Variants in MACROD1 observed in about 807,000 individuals in gnomAD.
The protein encoded by MACROD1 is mono-ADP ribosylhydrolase 1, also known as ADP-ribose glycohydrolase MACROD1.
In MACROD1, 31 loss-of-function variants were observed where a neutral mutation model predicts 41.4. The ratio of observed to expected loss-of-function variants is 0.75; its 90% CI spans 0.56 to 1.01. The LOEUF (loss-of-function observed/expected upper bound fraction) is 1.01, where lower values mean the gene tolerates loss of function less well. Among genes scored for constraint, MACROD1 ranks in the 50% least tolerant of loss-of-function variants. The pLI, the probability that MACROD1 is intolerant of heterozygous loss-of-function variation, is 0.00. For synonymous variants in MACROD1, 252 were observed against 203.4 expected, an observed-to-expected ratio of 1.24 and a Z score of -2.03; for missense variants, 473 against 460.0, an observed-to-expected ratio of 1.03 and a Z score of -0.26.
chr11:64,109,057 C>T (rs1944814481), intron 3 of MACROD1, among the ~76,000 whole-genome samples: 1 of 152,168 alleles, frequency 6.6e-6, no homozygotes, highest in Admixed American at 6.5e-5. Flanking sequence ...ATGCAGGACA[C>T]TTCCTCTCCC....
At position 64,124,425 on chromosome 11, in the gene MACROD1, G is replaced by A. The variant is rs537371988; in HGVS notation, c.517+26814C>T. ...GGCACTTTTCACTCTGTGGTTTTAA[G>A]CATTTACTGTTTCTTTTGAAATGTT... is the stretch of plus-strand genomic sequence containing the variant. On this transcript the variant is annotated intron_variant, in intron 3 of 10. Transcript: ENST00000255681. 3.9e-5 allele frequency among the ~76,000 whole-genome samples: 6 copies of A among 152,334 alleles called. No individual in the cohort carries two copies. In the South Asian group the frequency reaches 1.2e-3, roughly 32 times the overall value.
At chr11:64,143,136 G>C (rs1480826169) in intron 3 of MACROD1, among the ~76,000 whole-genome samples, 1 of 132,718 alleles carries the variant, frequency 7.5e-6, no homozygotes, top group Non-Finnish European at 1.6e-5. Context: ...GGGAGGGTGG[G>C]AGGGAGGGAG....
At chr11:64,051,617 G>A (rs528528166) in intron 3 of MACROD1, among the ~76,000 whole-genome samples, 72 of 152,306 alleles carry the variant, frequency 4.7e-4, no homozygotes, top group Admixed American at 1.3e-3. Flanking sequence ...CCATTCCTGC[G>A]TGGAGCGGGC....
chr11:64,104,595 C>G (rs1458717093), intron 3 of MACROD1, among the ~76,000 whole-genome samples: 3 of 152,106 alleles, frequency 2.0e-5, no homozygotes, highest in African/African-American at 7.2e-5. Flanking sequence ...GCTACTTGCC[C>G]TGGCGCCTGC....
At chr11:64,099,249 C>A (rs1042414110) in intron 3 of MACROD1, among the ~76,000 whole-genome samples, 1 of 152,222 alleles carries the variant, frequency 6.6e-6, no homozygotes, top group Admixed American at 6.5e-5. Flanking sequence ...CTGGGCAAGG[C>A]GGGGCTCTTG....
chr11:64,077,028 A>G (rs1490260956), intron 3 of MACROD1, among the ~76,000 whole-genome samples: 2 of 149,466 alleles, frequency 1.3e-5, no homozygotes, highest in South Asian at 2.2e-4. Flanking sequence ...TGTGGGGAGT[A>G]GATGGGAGGG....
chr11:64,044,772 C>A (rs1943553682), intron 3 of MACROD1, among the ~76,000 whole-genome samples: 2 of 152,158 alleles, frequency 1.3e-5, no homozygotes, highest in Non-Finnish European at 2.9e-5. Flanking sequence ...ATGCTCCCCC[C>A]TCACCAGACC....
intron 1 of MACROD1, among the ~76,000 whole-genome samples, chr11:64,154,161 C>T (rs1362701935): frequency 6.6e-6 from 1 of 152,156 alleles, no homozygotes; most frequent in Non-Finnish European, 1.5e-5. Context: ...AAGCAAGCAA[C>T]CTCCGGGGCT....
chr11:64,060,644 G>A (rs1016824543), intron 3 of MACROD1: 1 of 152,178 alleles, frequency 6.6e-6, no homozygotes, highest in African/African-American at 2.4e-5. Context: ...CGGACGCCGT[G>A]ACCTGGGGCA....
At position 64,052,753 on chromosome 11, in the gene MACROD1, G is replaced by T. The variant is rs560140246; in HGVS notation, c.518-37472C>A. On this transcript the variant is annotated intron_variant, in intron 3 of 10. Coordinates refer to ENST00000255681, the MANE Select transcript of MACROD1 (RefSeq NM_014067.4). ...TCCCAGCTTCTAGGGGTGGAGTTGT[G>T]ATGTAAACCTGATTCTCCTGACTCC... Among the ~76,000 whole-genome samples, 10 of 152,362 alleles carry T rather than the reference G, an allele frequency of 6.6e-5. No homozygotes were observed. The East Asian group carries it at 1.9e-3, about 29-fold the overall frequency.
intron 10 of MACROD1, 55 bp downstream of exon 10, chr11:63,998,783 A>G: frequency 1.4e-6 from 2 of 1,449,340 alleles, no homozygotes; most frequent in Non-Finnish European, 1.8e-6. Context: ...AGCGGGGGTT[A>G]GTGGGCGGGT....
At chr11:64,008,741 GCA>G (rs2134329858) in intron 4 of MACROD1, among the ~76,000 whole-genome samples, 1 of 152,286 alleles carries the variant, frequency 6.6e-6, no homozygotes, top group Non-Finnish European at 1.5e-5. Context: ...ACCCACACAG[GCA>G]GGCTCGGCTC....
intron 3 of MACROD1, among the ~76,000 whole-genome samples, chr11:64,017,774 A>ACC (rs367806794): frequency 6.7e-6 from 1 of 149,954 alleles, no homozygotes; most frequent in African/African-American, 2.5e-5. Context: ...CCTCCTCGGG[A>ACC]CCCCCCCACC....
At chr11:64,057,760 G>A (rs1943816818) in intron 3 of MACROD1, among the ~76,000 whole-genome samples, 1 of 152,242 alleles carries the variant, frequency 6.6e-6, no homozygotes, top group South Asian at 2.1e-4. Context: ...GAGGAGGAAG[G>A]GGACAGCCAC....
At chr11:64,087,639 C>T (rs928227801) in intron 3 of MACROD1, among the ~76,000 whole-genome samples, 5 of 152,220 alleles carry the variant, frequency 3.3e-5, no homozygotes, top group Admixed American at 3.3e-4. Context: ...AGCCACCCTG[C>T]AGGACATGCA....
intron 3 of MACROD1, among the ~76,000 whole-genome samples, chr11:64,101,576 G>A (rs901168854): frequency 6.6e-6 from 1 of 152,174 alleles, no homozygotes; most frequent in African/African-American, 2.4e-5. Context: ...CGGCCAGGGA[G>A]GCGGATGACC....
chr11:64,080,594 C>T (rs907865391), intron 3 of MACROD1, among the ~76,000 whole-genome samples: 3 of 152,146 alleles, frequency 2.0e-5, no homozygotes, highest in Non-Finnish European at 4.4e-5. Context: ...GTGCTCAACA[C>T]GTAGGCGTTC....
intron 3 of MACROD1, among the ~76,000 whole-genome samples, chr11:64,048,129 G>A (rs114104127): frequency 0.012 from 1,753 of 152,284 alleles, 27 homozygotes; most frequent in African/African-American, 0.039. Flanking sequence ...AAGCAGGGCC[G>A]GGCAGGGGCC....
chr11:64,018,935 G>A (rs2134346600), intron 3 of MACROD1, among the ~76,000 whole-genome samples: 1 of 152,320 alleles, frequency 6.6e-6, no homozygotes, highest in Admixed American at 6.5e-5. Context: ...GCACTGGACT[G>A]CGAGTCCAAG....
Sources: allele counts gnomAD v4.1 joint callset (sites outside exome capture counted in the v4.1 genomes callset), GRCh38; gene constraint gnomAD v4.1.1; transcripts MANE v1.5; gene names NCBI Gene and HGNC (gene_info 2026-07-23, HGNC 2026-07-21).